Variants in TMPRSS11B observed in about 807,000 individuals in gnomAD.
The protein encoded by TMPRSS11B is transmembrane serine protease 11B.
Under a neutral mutation model 44.7 loss-of-function variants are expected in TMPRSS11B, and 53 were observed. That is an observed-to-expected ratio of 1.19 (90% CI 0.95 to 1.49). The LOEUF (loss-of-function observed/expected upper bound fraction) is 1.49, where lower values mean the gene tolerates loss of function less well. Ranked by LOEUF, TMPRSS11B falls within the 40% of genes most tolerant of loss-of-function variation. TMPRSS11B has a pLI of 0.00. For synonymous variants in TMPRSS11B, 140 were observed against 159.2 expected, an observed-to-expected ratio of 0.88 and a Z score of 0.91; for missense variants, 526 against 494.8, an observed-to-expected ratio of 1.06 and a Z score of -0.60.
intron 2 of TMPRSS11B, among the ~76,000 whole-genome samples, chr4:68,239,175 T>C (rs1393988685): frequency 1.3e-5 from 2 of 152,214 alleles, no homozygotes; most frequent in African/African-American, 4.8e-5. Context: ...TATGGTTAAA[T>C]GGGGTCATAA....
At chr4:68,245,503 A>C in intron 1 of TMPRSS11B, 48 bp downstream of exon 1, 1 of 1,602,878 alleles carries the variant, frequency 6.2e-7, no homozygotes, top group Non-Finnish European at 8.5e-7. Context: ...CTTAATGGCA[A>C]CTTGCTACAT....
At chr4:68,230,540 G>A (rs951787832) in intron 7 of TMPRSS11B, among the ~76,000 whole-genome samples, 6 of 151,942 alleles carry the variant, frequency 3.9e-5, no homozygotes, top group African/African-American at 9.7e-5. Context: ...ATGGTGGCTC[G>A]CACCTGTAAT....
At chr4:68,244,118 CA>C (rs1309711146) in intron 1 of TMPRSS11B, among the ~76,000 whole-genome samples, 1 of 152,008 alleles carries the variant, frequency 6.6e-6, no homozygotes, top group Non-Finnish European at 1.5e-5. Flanking sequence ...TTCTAAATAT[CA>C]AAAAATGTCC....
chr4:68,245,567 G>A lies in TMPRSS11B; in HGVS notation c.-9C>T, dbSNP rs761836699. 2 of 1,613,350 alleles carry A rather than the reference G, an allele frequency of 1.2e-6. No individual in the cohort carries two copies. The highest frequency in any genetic ancestry group is 1.7e-5 in the Admixed American group (1 of 59,978). On this transcript the variant is annotated 5_prime_UTR_variant, in exon 1 of 10. Transcript: ENST00000332644. ...CCCCTTTACCTGTACATAATGTTCT[G>A]ATTGTTATGGCAGTATCAGGTATAA...
Position 68,228,724 on chromosome 4 carries a change from TA to T in TMPRSS11B, c.1089+17del. 8.2e-6 allele frequency: 13 copies of T among 1,584,690 alleles called. No homozygotes were observed. The highest frequency in any genetic ancestry group is 1.0e-5 in the Non-Finnish European group (12 of 1,170,722). ...GATTAACTGGGAGAAAACAACTGGA[TA>T]ATGTAACTAGACATACCTGACATGC... On this transcript the variant is annotated intron_variant, in intron 9 of 9. Coordinates refer to ENST00000332644, the MANE Select transcript of TMPRSS11B (RefSeq NM_182502.3).
chr4:68,231,462 A>C (rs1421748339), intron 6 of TMPRSS11B, 82 bp from the exon 7 acceptor site: 6 of 1,274,028 alleles, frequency 4.7e-6, no homozygotes, highest in Non-Finnish European at 6.4e-6. Flanking sequence ...AATTACTTGA[A>C]ACCTTTCAGT....
intron 1 of TMPRSS11B, among the ~76,000 whole-genome samples, chr4:68,242,374 T>TTATATTATATATAA (rs1560445740): frequency 3.0e-4 from 19 of 64,350 alleles, no homozygotes; most frequent in Admixed American, 2.4e-3. Context: ...ATATATAATA[T>TTATATTATATATAA]TATATATATA....
chr4:68,244,803 A>G (rs999978045), intron 1 of TMPRSS11B, among the ~76,000 whole-genome samples: 1 of 152,230 alleles, frequency 6.6e-6, no homozygotes, highest in South Asian at 2.1e-4. Flanking sequence ...ATTTTCATGT[A>G]TTAGAACTTC....
Position 68,226,954 on chromosome 4 carries a change from A to C in TMPRSS11B, c.*957T>G, listed in dbSNP as rs1719367798. 1 of 152,232 alleles carries C rather than the reference A, an allele frequency of 6.6e-6. No homozygotes were observed. The highest frequency in any genetic ancestry group is 1.5e-5 in the Non-Finnish European group (1 of 68,042). 9.4% of individuals were successfully genotyped at this position (152,232 alleles called of 1,614,324 possible). Reference sequence around the variant, plus strand: ...AATTCCTGACAAATTTTGGATGTCAACTCAATGAGGACAAATTTGTGTAAG... The same window carrying C: ...AATTCCTGACAAATTTTGGATGTCACCTCAATGAGGACAAATTTGTGTAAG... On this transcript the variant is annotated 3_prime_UTR_variant, in exon 10 of 10. Coordinates refer to ENST00000332644, the MANE Select transcript of TMPRSS11B (RefSeq NM_182502.3).
At chr4:68,239,861 C>G (rs187764340) in intron 2 of TMPRSS11B, among the ~76,000 whole-genome samples, 150 of 152,098 alleles carry the variant, frequency 9.9e-4, no homozygotes, top group African/African-American at 3.4e-3. Flanking sequence ...CAAAAGAGCT[C>G]GACAGGTGAT....
Position 68,231,240 on chromosome 4 carries a change from T to C in TMPRSS11B, c.649A>G (p.Ser217Gly). The C allele has an allele frequency of 6.2e-7, 1 of 1,613,032 alleles. No homozygotes were observed. ...RHYCGASLISSRWLLSAAHCF... is the reference protein window; with the variant it reads ...RHYCGASLISGRWLLSAAHCF... ...TGAGCTGCAGATAATAGCCACCTGCTGCTGATCAGAGAGGCTCCACAGTAG... is the reference window on the plus strand; with the variant it reads ...TGAGCTGCAGATAATAGCCACCTGCCGCTGATCAGAGAGGCTCCACAGTAG... The change falls in exon 7 of 10, where the codon AGC (serine) becomes GGC (glycine). Residue 217 changes from serine (S) to glycine (G), a missense_variant. By Grantham distance (56) the Ser-to-Gly change is moderately conservative. Coordinates refer to ENST00000332644, the MANE Select transcript of TMPRSS11B (RefSeq NM_182502.3).
chr4:68,228,205 T>C, intron 9 of TMPRSS11B, 133 bp from the exon 10 acceptor site: 1 of 821,604 alleles, frequency 1.2e-6, no homozygotes, highest in Non-Finnish European at 1.8e-6. Context: ...CTGAAACCCT[T>C]AGGACTTTTT....
intron 4 of TMPRSS11B, among the ~76,000 whole-genome samples, chr4:68,235,596 A>C (rs896104446): frequency 6.6e-6 from 1 of 152,206 alleles, no homozygotes; most frequent in Non-Finnish European, 1.5e-5. Flanking sequence ...TATTAAGGAA[A>C]CTAAAATAGG....
chr4:68,239,466 T>C (rs1024529956), intron 2 of TMPRSS11B, among the ~76,000 whole-genome samples: 3 of 152,162 alleles, frequency 2.0e-5, no homozygotes, highest in East Asian at 1.9e-4. Flanking sequence ...GTCTCCAAGA[T>C]TGTGAAAAAA....
chr4:68,242,338 A>ATATATTGTATATGTAATATATATTATAT, intron 1 of TMPRSS11B, among the ~76,000 whole-genome samples: 1 of 50,918 alleles, frequency 2.0e-5, no homozygotes, highest in African/African-American at 8.6e-5. Flanking sequence ...ATTATATTAT[A>ATATATTGTATATGTAATATATATTATAT]TATATATTAT....
At chr4:68,242,212 A>ACCATGATGTCAACTGCAATAATCTC (rs1719846691) in intron 1 of TMPRSS11B, among the ~76,000 whole-genome samples, 2 of 26,320 alleles carry the variant, frequency 7.6e-5, no homozygotes, top group African/African-American at 2.5e-4. Context: ...AATATAATAT[A>ACCATGATGTCAACTGCAATAATCTC]TATAATATTA....
At chr4:68,231,003 T>C (rs147885387) in intron 7 of TMPRSS11B, among the ~76,000 whole-genome samples, 200 bp downstream of exon 7, 2 of 140,502 alleles carry the variant, frequency 1.4e-5, no homozygotes, top group Admixed American at 7.6e-5. Flanking sequence ...TTAATACTTC[T>C]ATTTGCTTTT....
intron 1 of TMPRSS11B, among the ~76,000 whole-genome samples, chr4:68,243,791 G>A (rs915607789): frequency 6.6e-6 from 1 of 152,136 alleles, no homozygotes; most frequent in Non-Finnish European, 1.5e-5. Context: ...TAAACATTAT[G>A]TAGCCTAAAT....
intron 4 of TMPRSS11B, 53 bp downstream of exon 4, chr4:68,235,949 A>G: frequency 2.0e-6 from 2 of 1,020,116 alleles, no homozygotes; most frequent in South Asian, 4.0e-5. Flanking sequence ...TCAAGGTTGT[A>G]TGATATATCA....
Sources: allele counts gnomAD v4.1 joint callset (sites outside exome capture counted in the v4.1 genomes callset), GRCh38; gene constraint gnomAD v4.1.1; transcripts MANE v1.5; gene names NCBI Gene and HGNC (gene_info 2026-07-23, HGNC 2026-07-21).